VAPB: variants seen among roughly 807,000 people sequenced by gnomAD.
VAPB encodes the protein vesicle-associated membrane protein-associated protein B/C.
A neutral mutation model predicts 25.6 loss-of-function variants in VAPB; 7 were observed. The ratio of observed to expected loss-of-function variants is 0.27; its 90% CI spans 0.16 to 0.51. The LOEUF is 0.51. Ranked by LOEUF, VAPB falls within the 20% of genes least tolerant of loss-of-function variation. VAPB has a pLI of 0.97. For missense variants in VAPB, 266 were observed against 301.3 expected (o/e 0.88, Z 0.87); for synonymous variants, 112 against 109.2 (o/e 1.03, Z -0.16).
chr20:58,428,641 A>G (rs906065184), intron 2 of VAPB, among the ~76,000 whole-genome samples: 1 of 152,190 alleles, frequency 6.6e-6, no homozygotes, highest in African/African-American at 2.4e-5. Flanking sequence ...GTGAAAGTGA[A>G]ATAAATTTAA....
chr20:58,431,650 A>G (rs1420084913), intron 2 of VAPB: 2 of 151,340 alleles, frequency 1.3e-5, no homozygotes, highest in Non-Finnish European at 2.9e-5. Flanking sequence ...AGCTCTCTGC[A>G]GCCTCCATCT....
chr20:58,441,419 A>T (rs1989159582), intron 5 of VAPB, among the ~76,000 whole-genome samples: 1 of 152,188 alleles, frequency 6.6e-6, no homozygotes, highest in Non-Finnish European at 1.5e-5. Context: ...AGGCGGGCCG[A>T]TCACAAGGTC....
In VAPB at chr20:58,450,080, A is replaced by G. The variant is rs1471491620; in HGVS notation, c.*5845A>G. 1 of 454,048 alleles carries G rather than the reference A, an allele frequency of 2.2e-6. No homozygotes were observed. Among genetic ancestry groups the G allele is most frequent in the Non-Finnish European group, 4.4e-6 (1 of 226,766 alleles). The allele number at this position is 454,048 out of a possible 1,614,324, so 28.1% of individuals were successfully genotyped here. A position where few individuals can be genotyped will look rare whatever the true frequency, so the allele number is the denominator to read the frequency against. Reference sequence around the variant, plus strand: ...ATGAGTGTGCACGTTTCACACGTTGACTTGCCGGTTTTTCCATGTCATACA... The same window carrying G: ...ATGAGTGTGCACGTTTCACACGTTGGCTTGCCGGTTTTTCCATGTCATACA... On this transcript the variant is annotated 3_prime_UTR_variant, in exon 6 of 6. Transcript: ENST00000475243.
At chr20:58,394,979 T>C (rs530204194) in intron 1 of VAPB, among the ~76,000 whole-genome samples, 32 of 152,330 alleles carry the variant, frequency 2.1e-4, no homozygotes, top group African/African-American at 7.7e-4. Context: ...CTTCAAATGC[T>C]GAAGGCAGAA....
chr20:58,443,474 C>T (rs903301049), intron 5 of VAPB, among the ~76,000 whole-genome samples: 1 of 144,268 alleles, frequency 6.9e-6, no homozygotes, highest in African/African-American at 2.6e-5. Flanking sequence ...TTAGTAGAGA[C>T]GAGGTTTTAC....
intron 2 of VAPB, among the ~76,000 whole-genome samples, chr20:58,426,184 C>T (rs1316454062): frequency 1.3e-5 from 2 of 152,218 alleles, no homozygotes; most frequent in Non-Finnish European, 2.9e-5. Context: ...GTGTGAGCCA[C>T]TGCACCTGGC....
At position 58,389,328 on chromosome 20, in the gene VAPB, A is replaced by G. The variant is rs1987721817; in HGVS notation, c.-132A>G. On this transcript the variant is annotated 5_prime_UTR_variant, in exon 1 of 6. Transcript: ENST00000475243. ...CCCCCCCCCAGCGCGCCCACCCGGT[A>G]GAGGACCCCCGCCCGTGCCCCGACC... The G allele has an allele frequency of 2.8e-5, 12 of 433,008 alleles. No homozygotes were observed. The highest frequency in any genetic ancestry group is 1.5e-3 in the Middle Eastern group (2 of 1,346). 26.8% of individuals were successfully genotyped at this position (433,008 alleles called of 1,614,324 possible).
In VAPB at chr20:58,449,912, T is replaced by C. The variant is rs1989397450; in HGVS notation, c.*5677T>C. The C allele has an allele frequency of 2.2e-6, 1 of 454,020 alleles. No homozygotes were observed. The highest frequency in any genetic ancestry group is 4.4e-6 in the Non-Finnish European group (1 of 226,800). The allele number at this position is 454,020 out of a possible 1,614,324, so 28.1% of individuals were successfully genotyped here. A position where few individuals can be genotyped will look rare whatever the true frequency, so the allele number is the denominator to read the frequency against. On this transcript the variant is annotated 3_prime_UTR_variant, in exon 6 of 6. Coordinates refer to ENST00000475243, the MANE Select transcript of VAPB (RefSeq NM_004738.5). ...TTTCACTGATACCCAAAGCCATGTC[T>C]GACTGAAATAAAACAGGTTCCCTTT...
chr20:58,402,561 CCT>C (rs752740986), intron 1 of VAPB, among the ~76,000 whole-genome samples: 26,405 of 111,320 alleles, frequency 0.24, 3,161 homozygotes, highest in African/African-American at 0.34. Flanking sequence ...GCCCCCCCAC[CCT>C]TTTTTTTTTT....
intron 1 of VAPB, among the ~76,000 whole-genome samples, chr20:58,411,955 A>G (rs901943071): frequency 5.2e-5 from 8 of 152,390 alleles, no homozygotes; most frequent in African/African-American, 1.9e-4. Context: ...CTGGGATTAC[A>G]GGCATGAGCC....
chr20:58,443,419 T>TTTTC (rs1555816168), intron 5 of VAPB, among the ~76,000 whole-genome samples: 1 of 149,582 alleles, frequency 6.7e-6, no homozygotes, highest in Admixed American at 6.7e-5. Context: ...TTTTTTTTTT[T>TTTTC]AATATGGAGT....
intron 2 of VAPB, among the ~76,000 whole-genome samples, chr20:58,422,037 G>C (rs188509667): frequency 6.6e-6 from 1 of 152,332 alleles, no homozygotes; most frequent in East Asian, 1.9e-4. Flanking sequence ...TAAAGTAACA[G>C]TTGGACACAG....
chr20:58,420,580 T>TATGA (rs569174821), intron 2 of VAPB, among the ~76,000 whole-genome samples: 349 of 152,332 alleles, frequency 2.3e-3, no homozygotes, highest in African/African-American at 8.1e-3. Flanking sequence ...TGACCCCACT[T>TATGA]ATGAATGAAT....
Position 58,444,513 on chromosome 20 carries a change from A to G in VAPB, c.*278A>G, listed in dbSNP as rs1204175006. On this transcript the variant is annotated 3_prime_UTR_variant, in exon 6 of 6. Coordinates refer to ENST00000475243, the MANE Select transcript of VAPB (RefSeq NM_004738.5). ...AAACCATGAGTAATGCCACAATGGCATATTGTAAATGTCATTTTAAACATT... is the reference window on the plus strand; with the variant it reads ...AAACCATGAGTAATGCCACAATGGCGTATTGTAAATGTCATTTTAAACATT... 3 of 566,072 alleles carry G rather than the reference A, an allele frequency of 5.3e-6. No individual in the cohort carries two copies. Among genetic ancestry groups the G allele is most frequent in the Non-Finnish European group, 1.0e-5 (3 of 300,152 alleles). 35.1% of individuals were successfully genotyped at this position (566,072 alleles called of 1,614,324 possible).
At chr20:58,404,649 T>C (rs1988182738) in intron 1 of VAPB, among the ~76,000 whole-genome samples, 1 of 152,234 alleles carries the variant, frequency 6.6e-6, no homozygotes, top group African/African-American at 2.4e-5. Context: ...CTCTGGGGTA[T>C]GTTAGGAGTA....
intron 5 of VAPB, among the ~76,000 whole-genome samples, chr20:58,443,840 G>A (rs1342067716): frequency 6.6e-6 from 1 of 152,160 alleles, no homozygotes; most frequent in Non-Finnish European, 1.5e-5. Context: ...TTAGATGTCT[G>A]TTGTAACTAG....
intron 2 of VAPB, among the ~76,000 whole-genome samples, chr20:58,430,815 A>G (rs990299073): frequency 6.6e-6 from 1 of 152,152 alleles, no homozygotes. Flanking sequence ...ACCTCAGGTG[A>G]TCCACCCGCC....
intron 1 of VAPB, among the ~76,000 whole-genome samples, chr20:58,401,227 C>T (rs1345988494): frequency 1.3e-5 from 2 of 152,174 alleles, no homozygotes. Flanking sequence ...ACATACCTAG[C>T]ACTCACTGAG....
intron 2 of VAPB, 144 bp downstream of exon 2, chr20:58,418,507 A>G: frequency 1.1e-6 from 1 of 887,118 alleles, no homozygotes; most frequent in East Asian, 3.2e-5. Flanking sequence ...ACCCCACCCC[A>G]CAACCCTCCA....
Sources: allele counts gnomAD v4.1 joint callset (sites outside exome capture counted in the v4.1 genomes callset), GRCh38; gene constraint gnomAD v4.1.1; transcripts MANE v1.5; gene names NCBI Gene and HGNC (gene_info 2026-07-23, HGNC 2026-07-21).